The following CHMP5 variants were observed in gnomAD, a reference collection of about 807,000 sequenced individuals.
CHMP5 encodes SNF7 domain containing 2.
CHMP5 carries 17 observed loss-of-function variants against 33.0 expected under a neutral mutation model. The ratio of observed to expected loss-of-function variants is 0.52; its 90% CI spans 0.35 to 0.77. The LOEUF (loss-of-function observed/expected upper bound fraction) is 0.77. Ranked by LOEUF, CHMP5 falls within the 30% of genes least tolerant of loss-of-function variation. The pLI is 0.01. For synonymous variants in CHMP5, 76 were observed against 90.2 expected (o/e 0.84, Z 0.89); for missense variants, 216 against 261.5 (o/e 0.83, Z 1.20).
chr9:33,265,939 C>T (rs1008743980), intron 1 of CHMP5, 71 bp from the exon 2 acceptor site: 8 of 957,182 alleles, frequency 8.4e-6, no homozygotes, highest in Non-Finnish European at 1.2e-5. Context: ...TGTATTCCTT[C>T]CTCTCTACCT....
At chr9:33,269,319 C>T (rs2118019284) in intron 3 of CHMP5, among the ~76,000 whole-genome samples, 1 of 152,054 alleles carries the variant, frequency 6.6e-6, no homozygotes, top group African/African-American at 2.4e-5. Flanking sequence ...GCCTGGCCAA[C>T]ATGGTGAAAC....
chr9:33,271,205 G>A lies in CHMP5; in HGVS notation c.369G>A (p.Val123=), dbSNP rs912614522. The A allele has an allele frequency of 1.2e-6, 2 of 1,613,746 alleles. No homozygotes were observed. The highest frequency in any genetic ancestry group is 2.7e-5 in the African/African-American group (2 of 74,928). Residue 123 remains valine, a synonymous_variant, in exon 5 of 8, where the codon GTG becomes GTA. Transcript: ENST00000223500. Reference sequence around the variant, plus strand: ...AAATGAAGAAGGCATACAAGCAAGTGAAGATCGACCAGATTGAGGTGAGAC... The same window carrying A: ...AAATGAAGAAGGCATACAAGCAAGTAAAGATCGACCAGATTGAGGTGAGAC... ...VKEMKKAYKQ[V]KIDQIEDLQD...
At position 33,280,372 on chromosome 9, in the gene CHMP5, T is replaced by C. The variant is rs1238905421; in HGVS notation, c.610-437T>C. ...TTGATAGTGATGTCGCTGCCTATGA[T>C]TATAGTAAAGCATGATATGGAAGTG... On this transcript the variant is annotated intron_variant, in intron 7 of 7. Coordinates refer to ENST00000223500, the MANE Select transcript of CHMP5 (RefSeq NM_016410.6). 2.0e-5 allele frequency among the ~76,000 whole-genome samples: 3 copies of C among 152,208 alleles called. No homozygotes were observed. In the East Asian group the frequency reaches 5.8e-4, roughly 29 times the overall value.
intron 3 of CHMP5, 134 bp from the exon 4 acceptor site, chr9:33,270,489 G>A (rs927306740): frequency 3.0e-6 from 2 of 662,644 alleles, no homozygotes; most frequent in Non-Finnish European, 5.2e-6. Flanking sequence ...CAATTTTTCT[G>A]CGTGATACCT....
chr9:33,265,214 C>G, intron 1 of CHMP5, 67 bp downstream of exon 1: 1 of 1,503,670 alleles, frequency 6.7e-7, no homozygotes, highest in African/African-American at 1.4e-5. Context: ...CCACCCCCAG[C>G]CCCGGGCCCA....
intron 4 of CHMP5, among the ~76,000 whole-genome samples, 183 bp downstream of exon 4, chr9:33,270,899 T>G (rs1480664072): frequency 6.6e-6 from 1 of 152,150 alleles, no homozygotes; most frequent in East Asian, 1.9e-4. Context: ...CTGACCAACA[T>G]GGTGAAACCC....
intron 3 of CHMP5, 72 bp from the exon 4 acceptor site, chr9:33,270,551 T>C (rs1317329387): frequency 3.5e-6 from 4 of 1,158,660 alleles, no homozygotes; most frequent in South Asian, 1.3e-5. Context: ...TCTTATTTAG[T>C]GTGGGGATAC....
chr9:33,280,418 G>T (rs1820908509), intron 7 of CHMP5, among the ~76,000 whole-genome samples: 1 of 152,226 alleles, frequency 6.6e-6, no homozygotes, highest in South Asian at 2.1e-4. Flanking sequence ...CACGGGCACT[G>T]CTCCTTCAAG....
intron 3 of CHMP5, among the ~76,000 whole-genome samples, chr9:33,268,579 A>G (rs551415843): frequency 2.0e-5 from 3 of 152,348 alleles, no homozygotes; most frequent in African/African-American, 7.2e-5. Context: ...ATAAGATACC[A>G]GATGCCATCT....
At chr9:33,272,352 T>C (rs1365541526) in intron 5 of CHMP5, among the ~76,000 whole-genome samples, 2 of 149,944 alleles carry the variant, frequency 1.3e-5, no homozygotes, top group East Asian at 3.9e-4. Context: ...TCAGAAAGTA[T>C]TTGCTGGTTG....
intron 7 of CHMP5, among the ~76,000 whole-genome samples, chr9:33,279,012 C>A (rs1279067648): frequency 1.3e-5 from 2 of 152,096 alleles, no homozygotes; most frequent in African/African-American, 2.4e-5. Context: ...CAACCTCCGC[C>A]CCCCTGGTTC....
chr9:33,278,605 G>C (rs80015959), intron 7 of CHMP5, among the ~76,000 whole-genome samples: 3,808 of 152,078 alleles, frequency 0.025, 152 homozygotes, highest in African/African-American at 0.087. Context: ...TTAATTACTG[G>C]CTGGATTTTT....
chr9:33,270,802 C>T (rs898670490), intron 4 of CHMP5, 86 bp downstream of exon 4: 1 of 1,155,060 alleles, frequency 8.7e-7, no homozygotes, highest in Non-Finnish European at 1.3e-6. Context: ...GTTTAACCAG[C>T]CAGGCACAGT....
At position 33,281,074 on chromosome 9, in the gene CHMP5, A is replaced by G. The variant is rs1228487180; in HGVS notation, c.*215A>G. On this transcript the variant is annotated 3_prime_UTR_variant, in exon 8 of 8. Coordinates refer to ENST00000223500, the MANE Select transcript of CHMP5 (RefSeq NM_016410.6). ...ATTTGATTCCTTTTTTTCTTATGAA[A>G]AACGAACTCAGTTTAAAAGTATTTT... 1.1e-5 allele frequency: 5 copies of G among 444,332 alleles called. No individual in the cohort carries two copies. The highest frequency in any genetic ancestry group is 1.2e-5 in the Non-Finnish European group (3 of 252,064). The allele number at this position is 444,332 out of a possible 1,614,324, so 27.5% of individuals were successfully genotyped here.
At chr9:33,276,622 C>T in intron 6 of CHMP5, 58 bp downstream of exon 6, 1 of 904,946 alleles carries the variant, frequency 1.1e-6, no homozygotes, top group Non-Finnish European at 1.8e-6. Context: ...CAACAGCTGC[C>T]TGGGACCTTT....
intron 3 of CHMP5, among the ~76,000 whole-genome samples, chr9:33,269,656 A>G (rs1489567128): frequency 6.6e-6 from 1 of 152,218 alleles, no homozygotes; most frequent in Non-Finnish European, 1.5e-5. Flanking sequence ...TATTTATCAT[A>G]GAAAATAATT....
At chr9:33,278,085 T>C (rs1489573230) in intron 6 of CHMP5, 28 bp from the exon 7 acceptor site, 1 of 1,449,702 alleles carries the variant, frequency 6.9e-7, no homozygotes, top group East Asian at 2.3e-5. Context: ...GTTACATTTT[T>C]TTTAAATGTT....
chr9:33,275,271 A>C (rs1820839632), intron 5 of CHMP5, among the ~76,000 whole-genome samples: 1 of 152,180 alleles, frequency 6.6e-6, no homozygotes, highest in Non-Finnish European at 1.5e-5. Flanking sequence ...GACATCCTGG[A>C]ACCAATCCCT....
At chr9:33,270,058 A>C (rs1316598296) in intron 3 of CHMP5, among the ~76,000 whole-genome samples, 1 of 152,192 alleles carries the variant, frequency 6.6e-6, no homozygotes, top group Non-Finnish European at 1.5e-5. Flanking sequence ...AAATACAGTC[A>C]TGTGCTGCAT....
Sources: allele counts gnomAD v4.1 joint callset (sites outside exome capture counted in the v4.1 genomes callset), GRCh38; gene constraint gnomAD v4.1.1; transcripts MANE v1.5; gene names NCBI Gene and HGNC (gene_info 2026-07-23, HGNC 2026-07-21).